The following GUCY2C variants were observed in gnomAD, a reference collection of about 807,000 sequenced individuals.
GUCY2C encodes guanylyl cyclase C.
GUCY2C carries 118 observed loss-of-function variants against 131.1 expected under a neutral mutation model. That is an observed-to-expected ratio of 0.90 (90% CI 0.78 to 1.05). The LOEUF (loss-of-function observed/expected upper bound fraction) is 1.05, where lower values mean the gene tolerates loss of function less well. GUCY2C is among the 50% of genes least tolerant of loss of function. The pLI is 0.00. For missense variants in GUCY2C, 1,161 were observed against 1,304.4 expected (o/e 0.89, Z 1.69); for synonymous variants, 452 against 457.8 (o/e 0.99, Z 0.16).
intron 17 of GUCY2C, among the ~76,000 whole-genome samples, chr12:14,641,600 T>A (rs1267385302): frequency 6.6e-6 from 1 of 152,180 alleles, no homozygotes; most frequent in Non-Finnish European, 1.5e-5. Flanking sequence ...CTGAGGAATT[T>A]AGTAGTTTAT....
At position 14,680,079 on chromosome 12, in the gene GUCY2C, T is replaced by C. The variant is rs559715497; in HGVS notation, c.734-326A>G. 2.0e-4 allele frequency among the ~76,000 whole-genome samples: 30 copies of C among 151,334 alleles called. 1 individual carries two copies. The South Asian group carries it at 5.7e-3, about 29-fold the overall frequency. ...CTCTGACAGTCAAGTTCAGTGCTTA[T>C]TCCATTATGCCAGGCTGGAGTAATT... is the stretch of plus-strand genomic sequence containing the variant. On this transcript the variant is annotated intron_variant, in intron 5 of 26. Coordinates refer to ENST00000261170, the MANE Select transcript of GUCY2C (RefSeq NM_004963.4).
chr12:14,647,006 T>A (rs185964140), intron 15 of GUCY2C, among the ~76,000 whole-genome samples: 18 of 152,264 alleles, frequency 1.2e-4, no homozygotes, highest in Non-Finnish European at 7.4e-5. Flanking sequence ...ATGGCTTCCT[T>A]CAGGAAATGG....
At chr12:14,660,504 A>T (rs1246546040) in intron 11 of GUCY2C, among the ~76,000 whole-genome samples, 1 of 152,246 alleles carries the variant, frequency 6.6e-6, no homozygotes, top group Admixed American at 6.5e-5. Flanking sequence ...AGGCTAAAAT[A>T]GGAGATTTGG....
intron 12 of GUCY2C, 32 bp from the exon 13 acceptor site, chr12:14,653,046 G>A (rs1366583462): frequency 6.7e-7 from 1 of 1,500,046 alleles, no homozygotes; most frequent in East Asian, 2.3e-5. Flanking sequence ...TATTCCAGAA[G>A]CTCCATATCT....
At chr12:14,674,952 G>A (rs577960145) in intron 7 of GUCY2C, among the ~76,000 whole-genome samples, 192 bp from the exon 8 acceptor site, 1 of 152,058 alleles carries the variant, frequency 6.6e-6, no homozygotes, top group Admixed American at 6.5e-5. Context: ...GATCATGTCT[G>A]TAAACCCAGC....
At chr12:14,690,139 G>C (rs1948548937) in intron 1 of GUCY2C, among the ~76,000 whole-genome samples, 1 of 152,184 alleles carries the variant, frequency 6.6e-6, no homozygotes, top group Non-Finnish European at 1.5e-5. Context: ...AATTAGATGA[G>C]AGTTTTGTTT....
Position 14,691,023 on chromosome 12 carries a change from C to G in GUCY2C, c.218-2960G>C, listed in dbSNP as rs116605256. Among the ~76,000 whole-genome samples the G allele has an allele frequency of 4.7e-3, 716 of 152,248 alleles. 15 individuals carry two copies. The highest frequency in any genetic ancestry group is 0.016 in the African/African-American group (656 of 41,524). On this transcript the variant is annotated intron_variant, in intron 1 of 26. Coordinates refer to ENST00000261170, the MANE Select transcript of GUCY2C (RefSeq NM_004963.4). ...TAAAATGGGATAATTTTTAATAGCA[C>G]CTTTAAAAGAGCAAAGCATGTCTAT... is the stretch of plus-strand genomic sequence containing the variant.
intron 2 of GUCY2C, 101 bp downstream of exon 2, chr12:14,687,850 G>A (rs1948501878): frequency 1.4e-6 from 1 of 710,196 alleles, no homozygotes; most frequent in South Asian, 1.6e-5. Flanking sequence ...TGTGGCTAGA[G>A]ATGATGGGAG....
Position 14,622,154 on chromosome 12 carries a change from C to G in GUCY2C, c.2452G>C (p.Glu818Gln), listed in dbSNP as rs139910712. ...TAGATTGTAACTTCCTCATATAGTT[C>G]CGGCTCCACAAAGCCTTTCTCCTTC... ...SLKEKGFVEP[E>Q]LYEEVTIYFS... Residue 818 changes from glutamate to glutamine, a missense_variant, in exon 22 of 27, where the codon GAA (glutamate) becomes CAA (glutamine). Transcript: ENST00000261170. The G allele has an allele frequency of 4.4e-6, 7 of 1,590,964 alleles. No individual in the cohort carries two copies. In the African/African-American group the frequency reaches 8.1e-5, roughly 19 times the overall value.
intron 7 of GUCY2C, among the ~76,000 whole-genome samples, chr12:14,676,482 C>T (rs1008755365): frequency 1.3e-5 from 2 of 152,326 alleles, no homozygotes; most frequent in Middle Eastern, 3.4e-3. Flanking sequence ...AGGGAACTTT[C>T]CAGTAACCCT....
chr12:14,672,986 G>C, intron 8 of GUCY2C, 28 bp from the exon 9 acceptor site: 1 of 1,342,902 alleles, frequency 7.4e-7, no homozygotes, highest in Non-Finnish European at 1.1e-6. Flanking sequence ...TATGTTAGAG[G>C]CCATTCTTGA....
chr12:14,670,779 CAGCCTCGCTGGGG>C (rs1271339369), intron 9 of GUCY2C, among the ~76,000 whole-genome samples: 2 of 151,808 alleles, frequency 1.3e-5, no homozygotes, highest in Non-Finnish European at 2.9e-5. Flanking sequence ...GAGGCCTCCC[CAGCCTCGCTGGGG>C]AGTCCATGAA....
intron 7 of GUCY2C, 102 bp from the exon 8 acceptor site, chr12:14,674,862 T>G: frequency 1.2e-6 from 1 of 855,026 alleles, no homozygotes; most frequent in South Asian, 1.7e-5. Flanking sequence ...ACTGGAAAGT[T>G]AAAGGGATAT....
intron 19 of GUCY2C, among the ~76,000 whole-genome samples, chr12:14,633,503 T>A (rs1029890102): frequency 3.3e-5 from 5 of 151,766 alleles, no homozygotes; most frequent in African/African-American, 1.2e-4. Context: ...ACAAGAAGCA[T>A]GAAAAAGCAA....
At chr12:14,630,592 T>C (rs747739974) in intron 19 of GUCY2C, among the ~76,000 whole-genome samples, 15 of 152,188 alleles carry the variant, frequency 9.9e-5, no homozygotes, top group Non-Finnish European at 1.8e-4. Context: ...CTAGAGATAA[T>C]TTAAAGTACA....
intron 23 of GUCY2C, chr12:14,619,783 A>G (rs991675118): frequency 6.5e-6 from 1 of 153,392 alleles, no homozygotes; most frequent in Admixed American, 6.5e-5. Flanking sequence ...GACAGAAGAC[A>G]AGACAAAGGC....
At chr12:14,695,989 C>T (rs1447607843) in intron 1 of GUCY2C, among the ~76,000 whole-genome samples, 3 of 152,234 alleles carry the variant, frequency 2.0e-5, no homozygotes, top group Admixed American at 6.5e-5. Flanking sequence ...GTTTCACTGC[C>T]GTGAACACTT....
intron 10 of GUCY2C, among the ~76,000 whole-genome samples, chr12:14,661,302 T>G (rs190942461): frequency 2.6e-4 from 40 of 152,306 alleles, no homozygotes; most frequent in Admixed American, 1.8e-3. Flanking sequence ...TACATCTCTA[T>G]TCTTTCTAAT....
intron 1 of GUCY2C, among the ~76,000 whole-genome samples, chr12:14,688,806 T>C (rs1948525719): frequency 6.6e-6 from 1 of 152,180 alleles, no homozygotes; most frequent in African/African-American, 2.4e-5. Context: ...ATGGTTTCTC[T>C]GGTCAGAGGG....
Sources: allele counts gnomAD v4.1 joint callset (sites outside exome capture counted in the v4.1 genomes callset), GRCh38; gene constraint gnomAD v4.1.1; transcripts MANE v1.5; gene names NCBI Gene and HGNC (gene_info 2026-07-23, HGNC 2026-07-21).